DNAH2: variants seen among roughly 807,000 people sequenced by gnomAD.
The protein encoded by DNAH2 is axonemal beta dynein heavy chain 2.
Under a neutral mutation model 523.5 loss-of-function variants are expected in DNAH2, and 323 were observed. The observed-to-expected ratio is 0.62, with a 90% CI of 0.56 to 0.68. The LOEUF is 0.68. Among genes scored for constraint, DNAH2 ranks in the 30% least tolerant of loss-of-function variants. DNAH2 has a pLI of 0.00. For missense variants in DNAH2, 4,907 were observed against 5,701.5 expected (o/e 0.86, Z 4.49); for synonymous variants, 2,093 against 2,177.4 (o/e 0.96, Z 1.08).
rs1399604130 is a variant in DNAH2, at chr17:7,782,051, A to G, written c.6129+884A>G. Among the ~76,000 whole-genome samples the G allele has an allele frequency of 3.3e-5, 5 of 152,184 alleles. No individual in the cohort carries two copies. In the East Asian group the frequency reaches 9.6e-4, roughly 29 times the overall value. ...AAGAAAGGAAGAATTCCAGGAGTTG[A>G]GGAGGGTAGGGAGTAAAAGCAGGAA... On this transcript the variant is annotated intron_variant, in intron 39 of 85. Coordinates refer to ENST00000572933, the MANE Select transcript of DNAH2 (RefSeq NM_020877.5).
At chr17:7,813,510 A>C (rs1460156852) in intron 63 of DNAH2, among the ~76,000 whole-genome samples, 5 of 152,226 alleles carry the variant, frequency 3.3e-5, no homozygotes. Context: ...AGTATTTTGC[A>C]GCTACTAAAA....
chr17:7,791,855 C>G lies in DNAH2; in HGVS notation c.6901-62C>G. ...CTTTCCACACTCTGGTGTCACGAGTCTGCCAGATGGACCCCTGGTCTCTTA... is the reference window on the plus strand; with the variant it reads ...CTTTCCACACTCTGGTGTCACGAGTGTGCCAGATGGACCCCTGGTCTCTTA... On this transcript the variant is annotated intron_variant, in intron 44 of 85. Transcript: ENST00000572933. 2.6e-6 allele frequency: 4 copies of G among 1,524,968 alleles called. No homozygotes were observed. The South Asian group carries it at 3.7e-5, about 14-fold the overall frequency. 94.5% of individuals were successfully genotyped at this position (1,524,968 alleles called of 1,614,324 possible).
rs200652638 is a variant in DNAH2, at chr17:7,798,224, C to T, written c.8298C>T (p.Ser2766=). 68 of 1,613,582 alleles carry T rather than the reference C, an allele frequency of 4.2e-5. No homozygotes were observed. Among genetic ancestry groups the T allele is most frequent in the Middle Eastern group, 1.6e-4 (1 of 6,062 alleles). Residue 2766 remains serine (S), a synonymous_variant, in exon 54 of 86, where the codon AGC becomes AGT. Transcript: ENST00000572933. This position sits in a 1 kb window ranked among gnomAD's most constrained non-coding sequence, Gnocchi z 5.5. ...GNMLLVGIGG[S]GRQSLARLAS... ...TGCTCCTGGTGGGTATCGGGGGCAG[C>T]GGACGCCAGAGTCTGGCCCGCCTGG...
intron 61 of DNAH2, 71 bp downstream of exon 61, chr17:7,805,464 ACACT>A (rs2077344499): frequency 6.3e-7 from 1 of 1,599,860 alleles, no homozygotes; most frequent in Non-Finnish European, 8.5e-7. Flanking sequence ...TGTGCAGCAG[ACACT>A]CAGAAAGATA....
intron 18 of DNAH2, 136 bp from the exon 19 acceptor site, chr17:7,763,695 G>T: frequency 2.1e-6 from 2 of 954,862 alleles, no homozygotes; most frequent in Non-Finnish European, 3.2e-6. Context: ...AATGAGGGAT[G>T]CCTGGGAGTA....
intron 53 of DNAH2, among the ~76,000 whole-genome samples, 162 bp from the exon 54 acceptor site, chr17:7,797,995 G>T (rs1473286068): frequency 6.6e-6 from 1 of 152,188 alleles, no homozygotes. Flanking sequence ...GAAGGTGGAG[G>T]TTAAAAGTTG....
chr17:7,774,797 G>C lies in DNAH2; in HGVS notation c.4540G>C (p.Glu1514Gln). Residue 1514 changes from glutamate (E) to glutamine (Q), a missense_variant, in exon 29 of 86, where the codon GAA becomes CAA. Transcript: ENST00000572933. Reference sequence around the variant, plus strand: ...ATTGATAGAAATGAATACAATCCTGGAAGATATTCAGAAATCTCTGGATAT... The same window carrying C: ...ATTGATAGAAATGAATACAATCCTGCAAGATATTCAGAAATCTCTGGATAT... ...DTLIEMNTIL[E>Q]DIQKSLDMYL... 1.2e-6 allele frequency: 2 copies of C among 1,614,170 alleles called. No individual in the cohort carries two copies. Among genetic ancestry groups the C allele is most frequent in the Non-Finnish European group, 8.5e-7 (1 of 1,180,022 alleles).
Position 7,743,161 on chromosome 17 carries a change from C to G in DNAH2, c.1904+19C>G, listed in dbSNP as rs539290727. 5 of 1,609,514 alleles carry G rather than the reference C, an allele frequency of 3.1e-6. No homozygotes were observed. The highest frequency in any genetic ancestry group is 4.2e-6 in the Non-Finnish European group (5 of 1,178,566). On this transcript the variant is annotated intron_variant, in intron 12 of 85. Coordinates refer to ENST00000572933, the MANE Select transcript of DNAH2 (RefSeq NM_020877.5). ...TTGACAAGTACAGGAGCCACCTGGC[C>G]CCTTTTCCCTATACTCCCCTTCTGC...
At chr17:7,812,696 G>A (rs566154210) in intron 63 of DNAH2, among the ~76,000 whole-genome samples, 3 of 149,860 alleles carry the variant, frequency 2.0e-5, no homozygotes, top group South Asian at 2.1e-4. Flanking sequence ...CGAGGTGTGC[G>A]GATCACCCAA....
rs529192248 is a variant in DNAH2, at chr17:7,823,773, C to T, written c.11330-61C>T. ...ACATTCCCGGCAGGTGCCCCTTTGT[C>T]TGGATTCCCCGCTCTTCCAGACTCA... On this transcript the variant is annotated intron_variant, in intron 74 of 85. Transcript: ENST00000572933. 3.8e-6 allele frequency: 6 copies of T among 1,593,088 alleles called. No individual in the cohort carries two copies. The East Asian group carries it at 1.1e-4, about 30-fold the overall frequency.
At chr17:7,743,314 C>T in intron 12 of DNAH2, 172 bp downstream of exon 12, 3 of 742,348 alleles carry the variant, frequency 4.0e-6, no homozygotes, top group South Asian at 1.5e-5. Flanking sequence ...TCTCTCCCCA[C>T]CTCCCACCCT....
Position 7,833,586 on chromosome 17 carries a change from A to AG in DNAH2, c.*54dup. The AG allele has an allele frequency of 3.1e-6, 5 of 1,605,934 alleles. No individual in the cohort carries two copies. The highest frequency in any genetic ancestry group is 4.2e-6 in the Non-Finnish European group (5 of 1,179,418). On this transcript the variant is annotated 3_prime_UTR_variant, in exon 86 of 86. Coordinates refer to ENST00000572933, the MANE Select transcript of DNAH2 (RefSeq NM_020877.5). ...AGAGGGTCAGGGACTCCAGGAGCTA[A>AG]GACAGATGTTGCACCTAGGACTGAG...
rs1397655835 is a variant in DNAH2 at position 7,741,285 on chromosome 17, TCTTTCTTTCTTCCTTC to T, written c.1689+297_1689+312del. On this transcript the variant is annotated intron_variant, in intron 11 of 85. Transcript: ENST00000572933. ...TTCTTTCTTTCTTTCTTTCTTTCTT[TCTTTCTTTCTTCCTTC>T]CTTCCCTCCCTCCCTCCCTCCCTCC... is the stretch of plus-strand genomic sequence containing the variant. Among the ~76,000 whole-genome samples, 88 of 57,490 alleles carry T rather than the reference TCTTTCTTTCTTCCTTC, an allele frequency of 1.5e-3. 1 individual carries two copies. Among genetic ancestry groups the T allele is most frequent in the African/African-American group, 5.1e-3 (53 of 10,316 alleles). 37.7% of individuals were successfully genotyped at this position (57,490 alleles called of 152,430 possible).
chr17:7,740,071 G>GGC (rs1555539924), intron 9 of DNAH2, 133 bp downstream of exon 9: 2 of 694,240 alleles, frequency 2.9e-6, no homozygotes, highest in African/African-American at 2.0e-5. Context: ...TGGCCCGGGG[G>GGC]GGGGGACAGG....
chr17:7,767,091 C>G (rs1302232001), intron 22 of DNAH2, among the ~76,000 whole-genome samples: 2 of 149,976 alleles, frequency 1.3e-5, no homozygotes, highest in Non-Finnish European at 3.0e-5. Context: ...CGCCCCAGTC[C>G]CCCGTCCCCC....
intron 2 of DNAH2, among the ~76,000 whole-genome samples, chr17:7,721,500 C>T (rs1268862852): frequency 6.6e-6 from 1 of 152,056 alleles, no homozygotes; most frequent in Non-Finnish European, 1.5e-5. Context: ...TTGCCTGGAA[C>T]CTGAATGCCA....
intron 24 of DNAH2, among the ~76,000 whole-genome samples, chr17:7,769,807 C>A (rs1396658692): frequency 1.3e-5 from 2 of 152,190 alleles, no homozygotes; most frequent in African/African-American, 4.8e-5. Context: ...ACGTTTTTGG[C>A]AATGCCAAAC....
intron 72 of DNAH2, among the ~76,000 whole-genome samples, chr17:7,820,572 G>A (rs1038639247): frequency 4.6e-5 from 7 of 152,154 alleles, no homozygotes; most frequent in Non-Finnish European, 1.0e-4. Context: ...GCTTGGGGCA[G>A]CTCCTCGGAA....
At chr17:7,825,836 G>A (rs1322218627) in intron 77 of DNAH2, among the ~76,000 whole-genome samples, 2 of 152,168 alleles carry the variant, frequency 1.3e-5, no homozygotes, top group Admixed American at 6.5e-5. Context: ...ATAGCAACTC[G>A]TTTCACACTT....
Sources: gnomAD v4.1 joint callset for allele counts (sites outside exome capture counted in the v4.1 genomes callset) on GRCh38, gnomAD v4.1.1 for gene constraint, Gnocchi (gnomAD v3.1) non-coding constraint, MANE v1.5 for transcripts, NCBI Gene and HGNC (gene_info 2026-07-23, HGNC 2026-07-21) for gene names.